Variants in RABGAP1L observed in about 807,000 individuals in gnomAD.
RABGAP1L encodes the protein RAB GTPase activating protein 1 like, also known as rab GTPase-activating protein 1-like.
RABGAP1L carries 63 observed loss-of-function variants against 137.7 expected under a neutral mutation model. The ratio of observed to expected loss-of-function variants is 0.46; its 90% confidence interval spans 0.37 to 0.56. RABGAP1L has a LOEUF of 0.56. Ranked by LOEUF, RABGAP1L falls within the 20% of genes least tolerant of loss-of-function variation. The pLI, the probability that RABGAP1L is intolerant of heterozygous loss-of-function variation, is 0.00. For synonymous variants in RABGAP1L, 431 were observed against 433.7 expected (o/e 0.99, Z 0.08); for missense variants, 1,095 against 1,244.0 (o/e 0.88, Z 1.80).
At chr1:174,171,769 G>A (rs912471097) in intron 1 of RABGAP1L, among the ~76,000 whole-genome samples, 13 of 151,536 alleles carry the variant, frequency 8.6e-5, no homozygotes, top group African/African-American at 2.9e-4. Context: ...TTGGGAGGCC[G>A]AGGCAGGCAG....
At chr1:174,248,056 CTATT>C (rs1332738528) in intron 5 of RABGAP1L, among the ~76,000 whole-genome samples, 1 of 152,196 alleles carries the variant, frequency 6.6e-6, no homozygotes, top group Non-Finnish European at 1.5e-5. Flanking sequence ...TTTAAAGTCT[CTATT>C]TACACTTGAC....
chr1:174,628,424 G>A (rs1020705997), intron 13 of RABGAP1L, among the ~76,000 whole-genome samples: 3 of 152,032 alleles, frequency 2.0e-5, no homozygotes, highest in Non-Finnish European at 4.4e-5. Context: ...TTATGGAAAT[G>A]GGAAAAATAT....
intron 11 of RABGAP1L, among the ~76,000 whole-genome samples, chr1:174,370,647 G>A (rs28517379): frequency 6.6e-6 from 1 of 150,836 alleles, no homozygotes; most frequent in African/African-American, 2.4e-5. Flanking sequence ...TAAAATTTGA[G>A]AATATCTGGT....
chr1:174,790,183 C>T (rs1291119690), intron 18 of RABGAP1L, among the ~76,000 whole-genome samples: 1 of 151,178 alleles, frequency 6.6e-6, no homozygotes, highest in African/African-American at 2.4e-5. Flanking sequence ...GCATTCCAGT[C>T]TGGGAGACAG....
intron 11 of RABGAP1L, among the ~76,000 whole-genome samples, chr1:174,349,177 G>A (rs1443390469): frequency 2.2e-5 from 3 of 137,096 alleles, no homozygotes; most frequent in African/African-American, 8.4e-5. Flanking sequence ...AGGGGCGGCC[G>A]GGCAGAGGCG....
At chr1:174,648,980 T>C (rs1300562671) in intron 14 of RABGAP1L, among the ~76,000 whole-genome samples, 1 of 152,130 alleles carries the variant, frequency 6.6e-6, no homozygotes, top group Admixed American at 6.5e-5. Flanking sequence ...TTTTTGATCT[T>C]TGTTGGTTTA....
At chr1:174,618,559 C>T (rs1672130931) in intron 13 of RABGAP1L, among the ~76,000 whole-genome samples, 1 of 152,180 alleles carries the variant, frequency 6.6e-6, no homozygotes, top group Non-Finnish European at 1.5e-5. Flanking sequence ...CCACAAACTC[C>T]AATAGACCTG....
chr1:174,248,552 AGTT>A (rs1672455125), intron 5 of RABGAP1L, among the ~76,000 whole-genome samples: 1 of 152,166 alleles, frequency 6.6e-6, no homozygotes, highest in Non-Finnish European at 1.5e-5. Flanking sequence ...ATTTCTGTAT[AGTT>A]GTTAAAAGTT....
chr1:174,479,713 G>A (rs1160442469), intron 13 of RABGAP1L, among the ~76,000 whole-genome samples: 2 of 152,218 alleles, frequency 1.3e-5, no homozygotes, highest in Admixed American at 1.3e-4. Flanking sequence ...TTTACTAGGT[G>A]TATTAATTTA....
At chr1:174,599,269 T>C (rs1364193157) in intron 13 of RABGAP1L, among the ~76,000 whole-genome samples, 1 of 152,240 alleles carries the variant, frequency 6.6e-6, no homozygotes, top group African/African-American at 2.4e-5. Context: ...AACTTCTTGT[T>C]GTTTCTATTT....
chr1:174,217,972 T>A (rs1255500223), intron 1 of RABGAP1L, among the ~76,000 whole-genome samples: 1 of 151,926 alleles, frequency 6.6e-6, no homozygotes, highest in East Asian at 1.9e-4. Flanking sequence ...GAAAGAAAAA[T>A]AACATTTCTG....
chr1:174,579,594 T>C (rs951545228), intron 13 of RABGAP1L, among the ~76,000 whole-genome samples: 2 of 152,228 alleles, frequency 1.3e-5, no homozygotes, highest in Non-Finnish European at 2.9e-5. Context: ...GAGATTCTAA[T>C]TATGTGATGA....
rs1048955129 is a variant in RABGAP1L, at chr1:174,752,407, TG to T, written c.2211+55del. ...CCACATTCTCTTACCTCTTTGCCCT[TG>T]GAACTGGAATAATTCAATTTACAGT... On this transcript the variant is annotated intron_variant, in intron 18 of 25. Coordinates refer to ENST00000681986, the MANE Select transcript of RABGAP1L (RefSeq NM_001366446.1). 4.5e-4 allele frequency: 576 copies of T among 1,293,008 alleles called. 2 individuals are homozygous for T. The highest frequency in any genetic ancestry group is 3.2e-4 in the Non-Finnish European group (300 of 926,488). The allele number at this position is 1,293,008 out of a possible 1,614,324, so 80.1% of individuals were successfully genotyped here. A position where few individuals can be genotyped will look rare whatever the true frequency, so the allele number is the denominator to read the frequency against.
chr1:174,614,559 G>T (rs1254511391), intron 13 of RABGAP1L, among the ~76,000 whole-genome samples: 1 of 152,070 alleles, frequency 6.6e-6, no homozygotes, highest in African/African-American at 2.4e-5. Context: ...ATGTGGCTTG[G>T]AGTTGCTCTT....
At chr1:174,351,814 T>C (rs1683220959) in intron 11 of RABGAP1L, among the ~76,000 whole-genome samples, 3 of 152,230 alleles carry the variant, frequency 2.0e-5, no homozygotes, top group African/African-American at 7.2e-5. Flanking sequence ...TTGTTTTGTT[T>C]TGTTTGAGAT....
At chr1:174,180,806 C>T (rs1458796844) in intron 1 of RABGAP1L, among the ~76,000 whole-genome samples, 1 of 152,082 alleles carries the variant, frequency 6.6e-6, no homozygotes, top group Non-Finnish European at 1.5e-5. Context: ...ACCTGGTAGC[C>T]TCTGAATAAT....
At chr1:174,824,863 C>T (rs569389935) in intron 19 of RABGAP1L, among the ~76,000 whole-genome samples, 5 of 151,906 alleles carry the variant, frequency 3.3e-5, no homozygotes, top group South Asian at 2.1e-4. Context: ...ACCATAGCAA[C>T]CAAAAAAAGC....
At chr1:174,374,872 A>G (rs146852835) in intron 12 of RABGAP1L, among the ~76,000 whole-genome samples, 2 of 152,168 alleles carry the variant, frequency 1.3e-5, no homozygotes, top group Non-Finnish European at 2.9e-5. Context: ...TAGCCCTTAG[A>G]TTGAGAAAAT....
chr1:174,384,116 T>C lies in RABGAP1L; in HGVS notation c.1560-9879T>C, dbSNP rs572370665. Among the ~76,000 whole-genome samples, 3 of 152,344 alleles carry C rather than the reference T, an allele frequency of 2.0e-5. No individual in the cohort carries two copies. In the South Asian group the frequency reaches 6.2e-4, roughly 32 times the overall value. On this transcript the variant is annotated intron_variant, in intron 12 of 25. Transcript: ENST00000681986. ...GAGCAATTAAAAGAATGAACTGATATACATTACAACTGATGGATCTCAAGT... is the reference window on the plus strand; with the variant it reads ...GAGCAATTAAAAGAATGAACTGATACACATTACAACTGATGGATCTCAAGT...
Sources: gnomAD v4.1 joint callset for allele counts (sites outside exome capture counted in the v4.1 genomes callset) on GRCh38, gnomAD v4.1.1 for gene constraint, MANE v1.5 for transcripts, NCBI Gene and HGNC (gene_info 2026-07-23, HGNC 2026-07-21) for gene names.